CSMD2: variants seen among roughly 807,000 people sequenced by gnomAD.
The protein encoded by CSMD2 is CUB and sushi domain-containing protein 2.
A neutral mutation model predicts 398.5 loss-of-function variants in CSMD2; 130 were observed. The observed-to-expected ratio is 0.33, with a 90% CI of 0.28 to 0.38. The LOEUF is 0.38. Among genes scored for constraint, CSMD2 ranks in the 10% least tolerant of loss-of-function variants. The pLI is 1.00. For missense variants in CSMD2, 3,829 were observed against 4,764.9 expected (o/e 0.80, Z 5.78); for synonymous variants, 1,828 against 1,908.5 (o/e 0.96, Z 1.10).
rs1390516765 is a variant in CSMD2, at chr1:33,567,738, A to T, written c.8235T>A (p.Ile2745=). ...KAGHCGTPEP[I]VNGHINGENY... Reference sequence around the variant, plus strand: ...TCTCCCCATTGATGTGTCCGTTGACAATGGGCTCAGGAGTCCCACAGTGTC... The same window carrying T: ...TCTCCCCATTGATGTGTCCGTTGACTATGGGCTCAGGAGTCCCACAGTGTC... Residue 2745 remains isoleucine (I), a synonymous_variant, in exon 53 of 71, where the codon ATT becomes ATA. Transcript: ENST00000373381. 1.9e-6 allele frequency: 3 copies of T among 1,613,972 alleles called. No individual in the cohort carries two copies. The highest frequency in any genetic ancestry group is 1.3e-5 in the African/African-American group (1 of 74,908).
intron 1 of CSMD2, among the ~76,000 whole-genome samples, chr1:34,122,386 G>A (rs1319645298): frequency 1.3e-5 from 2 of 152,064 alleles, no homozygotes; most frequent in South Asian, 2.1e-4. Flanking sequence ...ATCTGCAGGG[G>A]ACAAAATGGG....
rs2148171112 is a variant in CSMD2 at position 34,036,918 on chromosome 1, G to A, written c.405-4212C>T. Among the ~76,000 whole-genome samples the A allele has an allele frequency of 2.0e-5, 3 of 152,128 alleles. No individual in the cohort carries two copies. The South Asian group carries it at 6.2e-4, about 32-fold the overall frequency. Reference sequence around the variant, plus strand: ...TTGATGTTTATCATACAAGTTACAGGCTATGACACATACAGTACCCTTGCC... The same window carrying A: ...TTGATGTTTATCATACAAGTTACAGACTATGACACATACAGTACCCTTGCC... On this transcript the variant is annotated intron_variant, in intron 2 of 70. Transcript: ENST00000373381.
chr1:33,672,963 C>T lies in CSMD2; in HGVS notation c.4053-9871G>A, dbSNP rs553154574. Among the ~76,000 whole-genome samples the T allele has an allele frequency of 4.0e-4, 61 of 152,268 alleles. No individual in the cohort carries two copies. The Middle Eastern group carries it at 0.01, about 26-fold the overall frequency. On this transcript the variant is annotated intron_variant, in intron 25 of 70. Coordinates refer to ENST00000373381, the MANE Select transcript of CSMD2 (RefSeq NM_001281956.2). ...CATCCACACCAAAACCCCATCTGTACGTCACCATCATCAAAGACCAAAGGT... is the reference window on the plus strand; with the variant it reads ...CATCCACACCAAAACCCCATCTGTATGTCACCATCATCAAAGACCAAAGGT...
intron 3 of CSMD2, among the ~76,000 whole-genome samples, chr1:33,960,149 TGTC>T (rs1219197326): frequency 6.6e-6 from 1 of 152,190 alleles, no homozygotes; most frequent in Non-Finnish European, 1.5e-5. Context: ...CTGTGCTGAC[TGTC>T]GTCTTCCAAC....
rs1570970717 is a variant in CSMD2 at position 33,620,530 on chromosome 1, G to A, written c.5827+1637C>T. 4.6e-5 allele frequency among the ~76,000 whole-genome samples: 7 copies of A among 152,314 alleles called. 1 individual carries two copies. The South Asian group carries it at 1.5e-3, about 32-fold the overall frequency. ...GGATTTTTTTCCTGGGAATGAGGCA[G>A]TAGAATGGCAAAGTGATTTACAAAG... On this transcript the variant is annotated intron_variant, in intron 37 of 70. Coordinates refer to ENST00000373381, the MANE Select transcript of CSMD2 (RefSeq NM_001281956.2).
At chr1:33,592,254 T>A in intron 44 of CSMD2, 1 of 648,742 alleles carries the variant, frequency 1.5e-6, no homozygotes, top group Non-Finnish European at 2.8e-6. Context: ...TACTTTTTGG[T>A]CCACATGGAA....
In CSMD2 at chr1:34,165,193, C is replaced by G; in HGVS notation, c.-96G>C. The G allele has an allele frequency of 8.6e-7, 1 of 1,167,536 alleles. No individual in the cohort carries two copies. Among genetic ancestry groups the G allele is most frequent in the Non-Finnish European group, 1.1e-6 (1 of 946,902 alleles). The allele number at this position is 1,167,536 out of a possible 1,614,324, so 72.3% of individuals were successfully genotyped here. A position where few individuals can be genotyped will look rare whatever the true frequency, so the allele number is the denominator to read the frequency against. On this transcript the variant is annotated 5_prime_UTR_variant, in exon 1 of 71. Coordinates refer to ENST00000373381, the MANE Select transcript of CSMD2 (RefSeq NM_001281956.2). ...GAGCTTTTTTCTGCTCGGAAAAAAT[C>G]CCGGTACGCGGGAGCCCTGAGCTTC...
intron 22 of CSMD2, among the ~76,000 whole-genome samples, chr1:33,700,988 C>G (rs534247542): frequency 6.6e-6 from 1 of 152,364 alleles, no homozygotes; most frequent in Admixed American, 6.5e-5. Flanking sequence ...CACCAGCTTA[C>G]TCTTTAGCAG....
At chr1:33,525,185 T>C (rs1654663113) in intron 65 of CSMD2, 142 bp from the exon 66 acceptor site, 1 of 832,462 alleles carries the variant, frequency 1.2e-6, no homozygotes, top group Non-Finnish European at 1.9e-6. Flanking sequence ...GGTAGAATGC[T>C]CTGGCCTCTT....
At position 34,163,407 on chromosome 1, in the gene CSMD2, T is replaced by A. The variant is rs1298339095; in HGVS notation, c.187+1504A>T. ...CAGAACCTAAGAAAGTCCCGTCAGC[T>A]AGGAATGAGAGAGCCAGAGCTGGCT... On this transcript the variant is annotated intron_variant, in intron 1 of 70. Transcript: ENST00000373381. This position sits in a 1 kb window ranked among gnomAD's most constrained non-coding sequence, Gnocchi z 5.4. Among the ~76,000 whole-genome samples, 1 of 152,102 alleles carries A rather than the reference T, an allele frequency of 6.6e-6. No individual in the cohort carries two copies. Among genetic ancestry groups the A allele is most frequent in the Non-Finnish European group, 1.5e-5 (1 of 68,026 alleles).
intron 5 of CSMD2, among the ~76,000 whole-genome samples, chr1:33,911,770 G>C (rs1643456842): frequency 6.6e-6 from 1 of 152,230 alleles, no homozygotes; most frequent in Non-Finnish European, 1.5e-5. Context: ...CAGACAGATA[G>C]AGCAGGCATC....
intron 56 of CSMD2, among the ~76,000 whole-genome samples, chr1:33,548,756 T>C (rs1363330380): frequency 1.3e-5 from 2 of 152,368 alleles, no homozygotes; most frequent in East Asian, 3.9e-4. Context: ...TTTGCGTACA[T>C]TGAATTCCTT....
chr1:33,865,688 G>C (rs1639981081), intron 5 of CSMD2, among the ~76,000 whole-genome samples: 1 of 152,150 alleles, frequency 6.6e-6, no homozygotes, highest in Non-Finnish European at 1.5e-5. Context: ...CCATCTCATA[G>C]GGCCCAAGAA....
chr1:33,944,320 G>A (rs1197575902), intron 3 of CSMD2, among the ~76,000 whole-genome samples: 1 of 152,136 alleles, frequency 6.6e-6, no homozygotes, highest in Non-Finnish European at 1.5e-5. Flanking sequence ...GGGCGAGTGG[G>A]CTGCACCAGG....
chr1:33,580,628 G>T, intron 48 of CSMD2, 125 bp downstream of exon 48: 1 of 958,802 alleles, frequency 1.0e-6, no homozygotes, highest in Non-Finnish European at 1.6e-6. Context: ...GTAGGGGAAT[G>T]GCAAAGACCA....
Position 33,772,187 on chromosome 1 carries a change from A to G in CSMD2, c.1846+382T>C, listed in dbSNP as rs72879538. On this transcript the variant is annotated intron_variant, in intron 13 of 70. Transcript: ENST00000373381. The stretch of plus-strand genomic sequence containing the variant: ...AGGCTGGTGGTGTCTACAGCCTTAC[A>G]AACTTGACAGTCCCTTCCACCCTGC... 365 of 168,892 alleles carry G rather than the reference A, an allele frequency of 2.2e-3. 1 individual carries two copies. Among genetic ancestry groups the G allele is most frequent in the African/African-American group, 8.0e-3 (336 of 42,220 alleles). The allele number at this position is 168,892 out of a possible 1,614,324, so 10.5% of individuals were successfully genotyped here.
chr1:33,714,522 C>A, intron 21 of CSMD2, 65 bp downstream of exon 21: 1 of 1,551,396 alleles, frequency 6.4e-7, no homozygotes, highest in Admixed American at 1.7e-5. Flanking sequence ...CACCACCTCA[C>A]ATCAATTGAC....
intron 25 of CSMD2, among the ~76,000 whole-genome samples, chr1:33,666,532 G>GAT (rs1046847316): frequency 1.1e-5 from 1 of 94,946 alleles, no homozygotes; most frequent in Non-Finnish European, 2.1e-5. Context: ...TTTATTGTCA[G>GAT]ATATATATAT....
rs1361468135 is a variant in CSMD2 at position 33,946,367 on chromosome 1, G to A, written c.518-10413C>T. ...AACAACAATAGCAAGGGTACTTGAC[G>A]TTTACATAGAACTTTCCAGGTTAAT... On this transcript the variant is annotated intron_variant, in intron 3 of 70. Transcript: ENST00000373381. Among the ~76,000 whole-genome samples the A allele has an allele frequency of 6.6e-5, 10 of 152,146 alleles. No individual in the cohort carries two copies. The East Asian group carries it at 1.7e-3, about 26-fold the overall frequency.
Sources: allele counts gnomAD v4.1 joint callset (sites outside exome capture counted in the v4.1 genomes callset), GRCh38; gene constraint gnomAD v4.1.1; non-coding constraint Gnocchi (gnomAD v3.1); transcripts MANE v1.5; gene names NCBI Gene and HGNC (gene_info 2026-07-23, HGNC 2026-07-21).